The following GRK4 variants were observed in gnomAD, a reference collection of about 807,000 sequenced individuals.
GRK4 encodes G protein-coupled receptor kinase 2-like.
Under a neutral mutation model 77.9 loss-of-function variants are expected in GRK4, and 73 were observed. The ratio of observed to expected loss-of-function variants is 0.94; its 90% CI spans 0.78 to 1.14. The LOEUF (loss-of-function observed/expected upper bound fraction) is 1.14. Among genes scored for constraint, GRK4 ranks in the 50% most tolerant of loss-of-function variants. The pLI is 0.00. For synonymous variants in GRK4, 257 were observed against 254.4 expected (o/e 1.01, Z -0.10); for missense variants, 729 against 700.2 (o/e 1.04, Z -0.46).
At chr4:3,040,451 T>TAAATAAAAA (rs1742087076) in intron 15 of GRK4, 121 bp from the exon 16 acceptor site, 2 of 673,382 alleles carry the variant, frequency 3.0e-6, no homozygotes, top group African/African-American at 1.8e-5. Flanking sequence ...AAAAAATAAA[T>TAAATAAAAA]AAATAAATAA....
chr4:2,994,152 C>T (rs532545877), intron 4 of GRK4, among the ~76,000 whole-genome samples: 2 of 152,254 alleles, frequency 1.3e-5, no homozygotes, highest in South Asian at 4.2e-4. Context: ...TGTAGGTACC[C>T]CCAGGACACT....
At chr4:3,005,076 T>G (rs1452870387) in intron 5 of GRK4, among the ~76,000 whole-genome samples, 1 of 150,554 alleles carries the variant, frequency 6.6e-6, no homozygotes, top group African/African-American at 2.5e-5. Flanking sequence ...ACCTAGGTAC[T>G]CACCAAAAAC....
chr4:2,967,766 T>C (rs932475040), intron 1 of GRK4, among the ~76,000 whole-genome samples: 3 of 151,768 alleles, frequency 2.0e-5, no homozygotes, highest in Admixed American at 6.6e-5. Context: ...GGTTCATAGA[T>C]CATATTGTTA....
chr4:2,994,698 T>A (rs1303148086), intron 4 of GRK4, among the ~76,000 whole-genome samples: 2 of 151,676 alleles, frequency 1.3e-5, no homozygotes, highest in Non-Finnish European at 2.9e-5. Context: ...GAAGGGGAGG[T>A]TATACATGTG....
intron 3 of GRK4, among the ~76,000 whole-genome samples, chr4:2,989,052 C>T (rs1000902445): frequency 3.3e-5 from 5 of 152,046 alleles, no homozygotes; most frequent in East Asian, 1.9e-4. Flanking sequence ...CGTGGTGGCG[C>T]GTGCCTGTAG....
intron 1 of GRK4, among the ~76,000 whole-genome samples, chr4:2,976,109 T>C (rs1273584937): frequency 6.6e-6 from 1 of 152,254 alleles, no homozygotes; most frequent in Admixed American, 6.5e-5. Flanking sequence ...GTCTGCTTGC[T>C]TCAGCCCTTT....
At chr4:2,970,189 A>G (rs752406539) in intron 1 of GRK4, among the ~76,000 whole-genome samples, 10 of 152,190 alleles carry the variant, frequency 6.6e-5, no homozygotes, top group Non-Finnish European at 1.5e-4. Context: ...GATGCTATCA[A>G]TCAGCCAGGT....
intron 4 of GRK4, among the ~76,000 whole-genome samples, chr4:2,995,173 C>T (rs148055006): frequency 2.6e-5 from 4 of 152,118 alleles, no homozygotes; most frequent in East Asian, 1.9e-4. Flanking sequence ...TTTCTTTATC[C>T]GGTTTATCAT....
At position 2,971,703 on chromosome 4, in the gene GRK4, T is replaced by G. The variant is rs968466514; in HGVS notation, c.52+7581T>G. Among the ~76,000 whole-genome samples, 10 of 152,214 alleles carry G rather than the reference T, an allele frequency of 6.6e-5. No individual in the cohort carries two copies. The East Asian group carries it at 1.9e-3, about 29-fold the overall frequency. ...TGTCTCACAGTCTTGGAGGCCGGAGTGCAAAATCAAGTTGTGAGTGGAGCT... is the reference window on the plus strand; with the variant it reads ...TGTCTCACAGTCTTGGAGGCCGGAGGGCAAAATCAAGTTGTGAGTGGAGCT... On this transcript the variant is annotated intron_variant, in intron 1 of 15. Coordinates refer to ENST00000398052, the MANE Select transcript of GRK4 (RefSeq NM_182982.3).
chr4:3,017,349 T>G (rs1255414872), intron 8 of GRK4, among the ~76,000 whole-genome samples: 2 of 152,178 alleles, frequency 1.3e-5, no homozygotes, highest in Non-Finnish European at 2.9e-5. Context: ...ATGGTTTCTT[T>G]GCATTGGTTC....
Position 3,019,909 on chromosome 4 carries a change from C to A in GRK4, c.932+78C>A. On this transcript the variant is annotated intron_variant, in intron 9 of 15. Coordinates refer to ENST00000398052, the MANE Select transcript of GRK4 (RefSeq NM_182982.3). ...CAGCCCTAGGCTTCCCTGGTTCACA[C>A]TGGCTGCTTCCAGGATGGGCAGGAG... 4 of 1,362,006 alleles carry A rather than the reference C, an allele frequency of 2.9e-6. No individual in the cohort carries two copies. The South Asian group carries it at 5.6e-5, about 19-fold the overall frequency. 84.4% of individuals were successfully genotyped at this position (1,362,006 alleles called of 1,614,324 possible).
At position 3,034,426 on chromosome 4, in the gene GRK4, G is replaced by A. The variant is rs1339879561; in HGVS notation, c.1270-960G>A. ...CTCTGCCGCTATAGTGGAAAAGGGTGGTGTCGATAAAGCCTTGTTTCCAAA... is the reference window on the plus strand; with the variant it reads ...CTCTGCCGCTATAGTGGAAAAGGGTAGTGTCGATAAAGCCTTGTTTCCAAA... On this transcript the variant is annotated intron_variant, in intron 12 of 15. Transcript: ENST00000398052. Among the ~76,000 whole-genome samples, 6 of 152,206 alleles carry A rather than the reference G, an allele frequency of 3.9e-5. No individual in the cohort carries two copies. The East Asian group carries it at 7.7e-4, about 20-fold the overall frequency.
At chr4:2,970,542 G>A (rs1470611214) in intron 1 of GRK4, among the ~76,000 whole-genome samples, 4 of 151,476 alleles carry the variant, frequency 2.6e-5, no homozygotes, top group Admixed American at 2.0e-4. Flanking sequence ...CCTGTAGTCC[G>A]AGCTACTCGG....
At chr4:2,997,931 A>C (rs1682069407) in intron 4 of GRK4, among the ~76,000 whole-genome samples, 1 of 151,926 alleles carries the variant, frequency 6.6e-6, no homozygotes. Flanking sequence ...AAAAAGTAAA[A>C]GACTATATGC....
Position 3,035,500 on chromosome 4 carries a change from C to T in GRK4, c.1384C>T (p.Leu462=). ...INFRRLEANM[L]EPPFCPDPHA... ...CTTCAGGAGGCTGGAGGCAAACATG[C>T]TGGAGCCCCCTTTCTGTCCTGATGT... is the stretch of plus-strand genomic sequence containing the variant. Residue 462 remains leucine (L), a synonymous_variant, in exon 13 of 16, where the codon CTG becomes TTG. Transcript: ENST00000398052. The T allele has an allele frequency of 6.2e-7, 1 of 1,613,884 alleles. No individual in the cohort carries two copies. Among genetic ancestry groups the T allele is most frequent in the Non-Finnish European group, 8.5e-7 (1 of 1,179,900 alleles).
At chr4:2,991,137 G>T (rs534679849) in intron 3 of GRK4, among the ~76,000 whole-genome samples, 1 of 152,318 alleles carries the variant, frequency 6.6e-6, no homozygotes, top group East Asian at 1.9e-4. Flanking sequence ...GGTCTGGTTA[G>T]GAAAGTCTGA....
In GRK4 at chr4:3,027,971, C is replaced by T. The variant is rs760891038; in HGVS notation, c.1030C>T (p.Arg344Ter). Residue 344 changes from arginine to a stop codon, truncating the protein, a stop_gained, in exon 11 of 16, where the codon CGA becomes TGA. Coordinates refer to ENST00000398052, the MANE Select transcript of GRK4 (RefSeq NM_182982.3). LOFTEE classifies it high-confidence loss of function. ...ATEIPEGQRV[R>*]GRVGTVGYMA... ...AGAGATCCCAGAAGGACAGAGGGTTCGAGGAAGAGTTGGAACAGTCGGCTA... is the reference window on the plus strand; with the variant it reads ...AGAGATCCCAGAAGGACAGAGGGTTTGAGGAAGAGTTGGAACAGTCGGCTA... 18 of 1,614,020 alleles carry T rather than the reference C, an allele frequency of 1.1e-5. No individual in the cohort carries two copies. The South Asian group carries it at 1.6e-4, about 15-fold the overall frequency.
chr4:3,000,630 TCTCGGCTCACTGCAAC>T (rs1421785455), intron 4 of GRK4, among the ~76,000 whole-genome samples: 1 of 151,992 alleles, frequency 6.6e-6, no homozygotes, highest in Non-Finnish European at 1.5e-5. Flanking sequence ...AGTGGCACAA[TCTCGGCTCACTGCAAC>T]CTTTGCCTCC....
chr4:3,006,739 C>T (rs116255533), intron 5 of GRK4, among the ~76,000 whole-genome samples: 4,590 of 152,168 alleles, frequency 0.03, 92 homozygotes, highest in Middle Eastern at 0.041. Context: ...CACCACTACC[C>T]TCCAGCCTGG....
Sources: allele counts gnomAD v4.1 joint callset (sites outside exome capture counted in the v4.1 genomes callset), GRCh38; gene constraint gnomAD v4.1.1; transcripts MANE v1.5; gene names NCBI Gene and HGNC (gene_info 2026-07-23, HGNC 2026-07-21).